The following CHL1 variants were observed in gnomAD, a reference collection of about 807,000 sequenced individuals.
CHL1 encodes the protein cell adhesion molecule L1 like, also known as neural cell adhesion molecule L1-like protein.
CHL1 carries 96 observed loss-of-function variants against 141.9 expected under a neutral mutation model. That is an observed-to-expected ratio of 0.68 (90% CI 0.57 to 0.80). The LOEUF (loss-of-function observed/expected upper bound fraction) is 0.80. CHL1 is among the 30% of genes least tolerant of loss of function. The pLI, the probability that CHL1 is intolerant of heterozygous loss-of-function variation, is 0.00. For synonymous variants in CHL1, 613 were observed against 502.2 expected (o/e 1.22, Z -2.95); for missense variants, 1,820 against 1,457.2 (o/e 1.25, Z -4.05).
At chr3:220,093 G>A (rs1445432663) in intron 1 of CHL1, among the ~76,000 whole-genome samples, 2 of 152,134 alleles carry the variant, frequency 1.3e-5, no homozygotes, top group African/African-American at 4.8e-5. Flanking sequence ...TCATTTATAC[G>A]ATATTTTGGA....
chr3:197,635 G>A (rs950479917), intron 1 of CHL1: 1 of 368,740 alleles, frequency 2.7e-6, no homozygotes, highest in African/African-American at 2.1e-5. Flanking sequence ...CAGCCCGGGG[G>A]GGGTTCCGAA....
At chr3:325,384 C>T (rs192213955) in intron 3 of CHL1, among the ~76,000 whole-genome samples, 7 of 151,790 alleles carry the variant, frequency 4.6e-5, no homozygotes, top group Non-Finnish European at 8.8e-5. Context: ...GGAAATTTAT[C>T]ATAAATCAGT....
chr3:239,155 A>G (rs991618299), intron 1 of CHL1, among the ~76,000 whole-genome samples: 6 of 152,120 alleles, frequency 3.9e-5, no homozygotes, highest in African/African-American at 1.4e-4. Flanking sequence ...TTCACTGGAC[A>G]TCATCAATCA....
At chr3:358,775 A>G (rs897264289) in intron 11 of CHL1, among the ~76,000 whole-genome samples, 3 of 151,900 alleles carry the variant, frequency 2.0e-5, no homozygotes, top group South Asian at 4.1e-4. Flanking sequence ...AATATGTAGT[A>G]TTCATGTTTT....
At chr3:229,804 T>A (rs1701697428) in intron 1 of CHL1, among the ~76,000 whole-genome samples, 1 of 152,172 alleles carries the variant, frequency 6.6e-6, no homozygotes, top group Admixed American at 6.6e-5. Flanking sequence ...TAGAACTTAA[T>A]CTTTAAATTC....
At chr3:377,976 T>G in intron 16 of CHL1, 34 bp downstream of exon 16, 1 of 1,560,940 alleles carries the variant, frequency 6.4e-7, no homozygotes, top group Non-Finnish European at 8.7e-7. Context: ...ATCTGTTCAT[T>G]TCTTCATTTC....
chr3:306,711 A>T (rs1329988805), intron 2 of CHL1, among the ~76,000 whole-genome samples: 2 of 152,214 alleles, frequency 1.3e-5, no homozygotes, highest in Non-Finnish European at 1.5e-5. Flanking sequence ...AATGCAAAAA[A>T]TAAACAGTTA....
intron 2 of CHL1, among the ~76,000 whole-genome samples, chr3:311,422 G>T (rs1299681433): frequency 1.3e-5 from 2 of 150,820 alleles, no homozygotes; most frequent in African/African-American, 2.5e-5. Flanking sequence ...CACAGTGAGG[G>T]TTTGCACTTT....
intron 2 of CHL1, among the ~76,000 whole-genome samples, chr3:265,694 G>A (rs182606057): frequency 3.4e-4 from 52 of 152,296 alleles, no homozygotes; most frequent in African/African-American, 1.2e-3. Context: ...TGTGGGGAAT[G>A]GGTGGGAGAT....
At chr3:376,625 TG>T (rs565417447) in intron 15 of CHL1, among the ~76,000 whole-genome samples, 145 of 152,342 alleles carry the variant, frequency 9.5e-4, no homozygotes, top group African/African-American at 3.4e-3. Context: ...TCAGCTACTA[TG>T]GGCCCTCGTG....
intron 14 of CHL1, among the ~76,000 whole-genome samples, chr3:364,971 A>G (rs1043134778): frequency 6.6e-6 from 1 of 152,228 alleles, no homozygotes; most frequent in Non-Finnish European, 1.5e-5. Context: ...TAAATTTAGA[A>G]TTAGAAGTAG....
At chr3:338,684 A>G (rs1331239452) in intron 5 of CHL1, among the ~76,000 whole-genome samples, 2 of 152,164 alleles carry the variant, frequency 1.3e-5, no homozygotes, top group Non-Finnish European at 2.9e-5. Flanking sequence ...TCCAATATTC[A>G]TTTTGTATTT....
chr3:270,408 A>G (rs1045036717), intron 2 of CHL1, among the ~76,000 whole-genome samples: 3 of 152,176 alleles, frequency 2.0e-5, no homozygotes, highest in Admixed American at 6.5e-5. Context: ...AATCATAGGT[A>G]GCGAGGTTGA....
chr3:380,364 G>C (rs531793775), intron 16 of CHL1, among the ~76,000 whole-genome samples: 1 of 152,244 alleles, frequency 6.6e-6, no homozygotes, highest in Non-Finnish European at 1.5e-5. Flanking sequence ...CTTTCCACTT[G>C]GAGAAGAAAG....
intron 2 of CHL1, among the ~76,000 whole-genome samples, chr3:274,643 G>A (rs1162357466): frequency 1.3e-5 from 2 of 152,100 alleles, no homozygotes; most frequent in African/African-American, 4.8e-5. Flanking sequence ...TCTTTTCATT[G>A]TAAGCAGCAT....
chr3:228,936 A>C (rs537851521), intron 1 of CHL1, among the ~76,000 whole-genome samples: 65 of 152,304 alleles, frequency 4.3e-4, no homozygotes, highest in African/African-American at 1.5e-3. Context: ...GGAAAAAAAA[A>C]CTGATTTAAA....
Position 377,862 on chromosome 3 carries a change from T to C in CHL1, c.1796T>C (p.Leu599Ser). ...GANLTISNVT[L>S]EDQGIYCCSA... is the part of the protein sequence containing the mutation. ...AATTTGACCATATCTAATGTAACTT[T>C]AGAGGACCAAGGTATTTACTGCTGT... Residue 599 changes from leucine (L) to serine (S), a missense_variant, in exon 16 of 28, where the codon TTA becomes TCA. Transcript: ENST00000256509. The C allele has an allele frequency of 6.2e-7, 1 of 1,611,524 alleles. No homozygotes were observed. The highest frequency in any genetic ancestry group is 8.5e-7 in the Non-Finnish European group (1 of 1,177,820).
At chr3:234,445 G>A (rs921794661) in intron 1 of CHL1, among the ~76,000 whole-genome samples, 8 of 152,058 alleles carry the variant, frequency 5.3e-5, no homozygotes, top group Non-Finnish European at 4.4e-5. Context: ...AGCATGAGAC[G>A]TTACGTAGTT....
chr3:398,987 A>G (rs1163648855), intron 25 of CHL1, 30 bp from the exon 26 acceptor site: 1 of 1,605,192 alleles, frequency 6.2e-7, no homozygotes. Flanking sequence ...TTTCTAGTTT[A>G]CAATGCTGTG....
Sources: gnomAD v4.1 joint callset for allele counts (sites outside exome capture counted in the v4.1 genomes callset) on GRCh38, gnomAD v4.1.1 for gene constraint, MANE v1.5 for transcripts, NCBI Gene and HGNC (gene_info 2026-07-23, HGNC 2026-07-21) for gene names.